FANCB: variants seen among roughly 807,000 people sequenced by gnomAD.
The protein encoded by FANCB is FA complementation group B.
Under a neutral mutation model 38.9 loss-of-function variants are expected in FANCB, and 5 were observed. The observed-to-expected ratio is 0.13, with a 90% CI of 0.07 to 0.27. The LOEUF (loss-of-function observed/expected upper bound fraction) is 0.27. Among genes scored for constraint, FANCB ranks in the 10% least tolerant of loss-of-function variants. The pLI is 1.00. For synonymous variants in FANCB, 236 were observed against 215.4 expected, an observed-to-expected ratio of 1.10 and a Z score of -0.84; for missense variants, 573 against 602.7, an observed-to-expected ratio of 0.95 and a Z score of 0.52.
intron 10 of FANCB, among the ~76,000 whole-genome samples, chrX:14,837,934 C>G (rs977869679): frequency 8.9e-6 from 1 of 112,116 alleles, no homozygotes; most frequent in African/African-American, 3.2e-5. Context: ...ACATCATTGC[C>G]TAATATAACT....
chrX:14,781,640 G>C, the FANCB span, among the ~76,000 whole-genome samples: 9 of 110,885 alleles, frequency 8.1e-5, no homozygotes, highest in Admixed American at 8.7e-4. Flanking sequence ...AAAGTAAAGA[G>C]GTGGTTCAAG....
At chrX:14,701,052 C>A in the FANCB span, among the ~76,000 whole-genome samples, 5 of 110,009 alleles carry the variant, frequency 4.5e-5, no homozygotes, top group African/African-American at 1.7e-4. Context: ...TTGAAGGAAT[C>A]CCCACATGAT....
At chrX:14,857,757 C>A (rs1345553511) in intron 5 of FANCB, 105 bp downstream of exon 5, 4 of 587,103 alleles carry the variant, frequency 6.8e-6, no homozygotes, top group Non-Finnish European at 1.2e-5. Flanking sequence ...ACCATTTTTA[C>A]CCAAGCACCA....
chrX:14,820,268 T>C, the FANCB span, among the ~76,000 whole-genome samples: 1,605 of 111,358 alleles, frequency 0.014, 25 homozygotes, highest in African/African-American at 0.043. Context: ...TCCCAGCCTT[T>C]TCCCTTCTTG....
intron 7 of FANCB, among the ~76,000 whole-genome samples, chrX:14,848,485 T>G (rs886219894): frequency 9.0e-6 from 1 of 111,731 alleles, no homozygotes; most frequent in Non-Finnish European, 1.9e-5. Context: ...CTAGGCCTCT[T>G]TAGGGTTAAG....
chrX:14,773,741 G>C, the FANCB span, among the ~76,000 whole-genome samples: 1 of 112,029 alleles, frequency 8.9e-6, no homozygotes, highest in Admixed American at 9.4e-5. Context: ...AGAGATACCT[G>C]AAGCAGGAGA....
chrX:14,701,282 C>T, the FANCB span, among the ~76,000 whole-genome samples: 14 of 111,253 alleles, frequency 1.3e-4, no homozygotes, highest in East Asian at 2.0e-3. Context: ...GTGCTGGATT[C>T]GGTGAGGTTC....
chrX:14,832,739 G>A (rs751134108), downstream of FANCB, among the ~76,000 whole-genome samples: 62 of 111,879 alleles, frequency 5.5e-4, no homozygotes, highest in Non-Finnish European at 1.1e-3. Flanking sequence ...ATGGAGTGGT[G>A]TGCAGATGTG....
At chrX:14,701,517 G>C in the FANCB span, among the ~76,000 whole-genome samples, 1 of 111,337 alleles carries the variant, frequency 9.0e-6, no homozygotes, top group Admixed American at 9.6e-5. Flanking sequence ...TCCAAGCTGA[G>C]GGTTTTGCCA....
the FANCB span, among the ~76,000 whole-genome samples, chrX:14,740,417 G>C: frequency 9.0e-6 from 1 of 111,330 alleles, no homozygotes; most frequent in African/African-American, 3.3e-5. Context: ...TCCAAGCATA[G>C]TGGCCACCTT....
At chrX:14,768,649 T>C in the FANCB span, among the ~76,000 whole-genome samples, 16 of 111,880 alleles carry the variant, frequency 1.4e-4, no homozygotes, top group African/African-American at 4.2e-4. Context: ...TAATATGCTT[T>C]ATTTCTTTCT....
chrX:14,849,011 CT>C (rs2092389550), intron 7 of FANCB, among the ~76,000 whole-genome samples: 1 of 111,149 alleles, frequency 9.0e-6, no homozygotes. Flanking sequence ...TTGCGGGCTG[CT>C]GGCCAGATCC....
intron 5 of FANCB, 41 bp downstream of exon 5, chrX:14,857,821 T>C: frequency 1.1e-6 from 1 of 878,374 alleles, no homozygotes; most frequent in Non-Finnish European, 1.7e-6. Context: ...TCATTTAGAA[T>C]AACACTAATC....
chrX:14,865,863 G>T (rs2092467579), intron 2 of FANCB, among the ~76,000 whole-genome samples: 1 of 112,097 alleles, frequency 8.9e-6, no homozygotes, highest in Non-Finnish European at 1.9e-5. Context: ...TATTAAAAGT[G>T]ACTTCAGATA....
the FANCB span, chrX:14,730,194 T>C: frequency 8.4e-7 from 1 of 1,185,833 alleles, no homozygotes; most frequent in Admixed American, 2.2e-5. Flanking sequence ...TTCCTCTGTC[T>C]TTATTCCGTC....
the FANCB span, among the ~76,000 whole-genome samples, chrX:14,830,370 A>G: frequency 6.3e-5 from 7 of 111,456 alleles, no homozygotes; most frequent in Non-Finnish European, 9.4e-5. Context: ...TGTCTGATGC[A>G]GGGTTGTGGA....
the FANCB span, among the ~76,000 whole-genome samples, chrX:14,695,330 TG>T: frequency 9.0e-6 from 1 of 111,417 alleles, no homozygotes; most frequent in Non-Finnish European, 1.9e-5. Flanking sequence ...TGTGTGCTCA[TG>T]GGGGGATATA....
chrX:14,713,053 T>C, the FANCB span, among the ~76,000 whole-genome samples: 6 of 111,840 alleles, frequency 5.4e-5, no homozygotes, highest in East Asian at 1.1e-3. Flanking sequence ...GATAATCCCA[T>C]ACAATAACCA....
chrX:14,809,149 C>T, the FANCB span, among the ~76,000 whole-genome samples: 3 of 112,285 alleles, frequency 2.7e-5, no homozygotes, highest in Non-Finnish European at 5.6e-5. Flanking sequence ...CCTATCAATA[C>T]CAACAACATT....
Sources: allele counts gnomAD v4.1 joint callset (sites outside exome capture counted in the v4.1 genomes callset), GRCh38; gene constraint gnomAD v4.1.1; transcripts MANE v1.5; gene names NCBI Gene and HGNC (gene_info 2026-07-23, HGNC 2026-07-21).